LSAMP: variants seen among roughly 807,000 people sequenced by gnomAD.
The protein encoded by LSAMP is limbic system-associated membrane protein.
Under a neutral mutation model 38.6 loss-of-function variants are expected in LSAMP, and 7 were observed. The observed-to-expected ratio is 0.18, with a 90% CI of 0.10 to 0.34. LSAMP has a LOEUF of 0.34. Among genes scored for constraint, LSAMP ranks in the 10% least tolerant of loss-of-function variants. The probability of loss-of-function intolerance (pLI) is 1.00; values close to 1 mark genes in which losing one functional copy is unlikely to be tolerated. For synonymous variants in LSAMP, 154 were observed against 166.8 expected, an observed-to-expected ratio of 0.92 and a Z score of 0.59; for missense variants, 313 against 420.0, an observed-to-expected ratio of 0.75 and a Z score of 2.23.
chr3:116,235,052 T>C (rs370219922), intron 1 of LSAMP, among the ~76,000 whole-genome samples: 1 of 152,086 alleles, frequency 6.6e-6, no homozygotes, highest in Non-Finnish European at 1.5e-5. Flanking sequence ...CTAAAAGACA[T>C]AATTTGGAAC....
chr3:115,855,562 G>A lies in LSAMP; in HGVS notation c.515-2945C>T, dbSNP rs371673582. Among the ~76,000 whole-genome samples the A allele has an allele frequency of 1.2e-4, 18 of 152,262 alleles. No individual in the cohort carries two copies. In the East Asian group the frequency reaches 1.4e-3, roughly 11 times the overall value. ...GCAGCCTCTGTCTCCAGCACACAAT[G>A]TGCATAGCTATCTCAATAAAGTGGG... is the stretch of plus-strand genomic sequence containing the variant. On this transcript the variant is annotated intron_variant, in intron 3 of 6. Transcript: ENST00000490035.
intron 1 of LSAMP, among the ~76,000 whole-genome samples, chr3:116,355,100 G>T (rs1040079791): frequency 2.6e-5 from 4 of 151,738 alleles, no homozygotes; most frequent in Non-Finnish European, 4.4e-5. Flanking sequence ...ACATTAACTT[G>T]TTCTTTACCA....
At chr3:116,248,779 A>ATGAGCACACCCATGTCTG (rs1232640554) in intron 1 of LSAMP, among the ~76,000 whole-genome samples, 5 of 152,130 alleles carry the variant, frequency 3.3e-5, no homozygotes, top group Non-Finnish European at 5.9e-5. Context: ...ATATGTAGGC[A>ATGAGCACACCCATGTCTG]TGAGCACACC....
chr3:116,102,499 TG>T (rs1388088602), intron 1 of LSAMP, among the ~76,000 whole-genome samples: 1 of 152,204 alleles, frequency 6.6e-6, no homozygotes, highest in Non-Finnish European at 1.5e-5. Flanking sequence ...ACATTTGAAT[TG>T]GTAGACTGAG....
At chr3:116,382,779 A>G (rs757782212) in intron 1 of LSAMP, among the ~76,000 whole-genome samples, 1 of 152,132 alleles carries the variant, frequency 6.6e-6, no homozygotes, top group African/African-American at 2.4e-5. Context: ...TACATGTTAC[A>G]GCTTTTGTCT....
intron 3 of LSAMP, among the ~76,000 whole-genome samples, chr3:115,923,420 C>T (rs1400301983): frequency 1.3e-5 from 2 of 152,160 alleles, no homozygotes; most frequent in Non-Finnish European, 2.9e-5. Flanking sequence ...TATGGTGGTG[C>T]AACTTCTTAA....
At chr3:115,983,281 T>C (rs1409620719) in intron 3 of LSAMP, among the ~76,000 whole-genome samples, 4 of 152,114 alleles carry the variant, frequency 2.6e-5, no homozygotes, top group African/African-American at 9.7e-5. Flanking sequence ...TTTGGGAGAC[T>C]GAGCAGGGAG....
intron 5 of LSAMP, 63 bp downstream of exon 5, chr3:115,842,395 G>A: frequency 1.3e-6 from 2 of 1,566,414 alleles, no homozygotes; most frequent in South Asian, 2.4e-5. Flanking sequence ...CTTTGTTGTG[G>A]GGATTCTGGT....
intron 3 of LSAMP, among the ~76,000 whole-genome samples, chr3:115,950,220 G>T (rs983420815): frequency 1.3e-5 from 2 of 152,068 alleles, no homozygotes; most frequent in African/African-American, 4.8e-5. Flanking sequence ...CATAGTACTG[G>T]AAGTCCTAGG....
chr3:116,414,580 C>T (rs2049023966), intron 1 of LSAMP, among the ~76,000 whole-genome samples: 1 of 152,076 alleles, frequency 6.6e-6, no homozygotes, highest in Non-Finnish European at 1.5e-5. Flanking sequence ...AAATTATATT[C>T]CAGCTAAAAC....
At chr3:116,141,330 T>C (rs1453512970) in intron 1 of LSAMP, among the ~76,000 whole-genome samples, 2 of 151,776 alleles carry the variant, frequency 1.3e-5, no homozygotes, top group Non-Finnish European at 2.9e-5. Context: ...AAGAAGGGGA[T>C]GCGGAGAAGA....
chr3:116,112,170 G>T (rs1576370062), intron 1 of LSAMP, among the ~76,000 whole-genome samples: 1 of 152,342 alleles, frequency 6.6e-6, no homozygotes, highest in Middle Eastern at 3.4e-3. Flanking sequence ...AGAAATTAGA[G>T]TCCTAAAAAT....
chr3:116,155,143 T>C (rs1007752195), intron 1 of LSAMP, among the ~76,000 whole-genome samples: 2 of 152,142 alleles, frequency 1.3e-5, no homozygotes, highest in African/African-American at 4.8e-5. Context: ...TAATCATTTA[T>C]TTCTGAGACT....
chr3:115,917,641 CT>C lies in LSAMP; in HGVS notation c.515-65025del, dbSNP rs1397037815. 3.5e-3 allele frequency among the ~76,000 whole-genome samples: 508 copies of C among 144,434 alleles called. 2 individuals are homozygous for C. The highest frequency in any genetic ancestry group is 9.2e-3 in the African/African-American group (365 of 39,604). The allele number at this position is 144,434 out of a possible 152,430, so 94.8% of individuals were successfully genotyped here. ...TCAAACACTCTTTTAAATTAATGAC[CT>C]TTTTTTTTTTTCAAGTTCATAACTA... On this transcript the variant is annotated intron_variant, in intron 3 of 6. Coordinates refer to ENST00000490035, the MANE Select transcript of LSAMP (RefSeq NM_002338.5).
intron 2 of LSAMP, among the ~76,000 whole-genome samples, chr3:116,026,642 C>G (rs761434028): frequency 6.6e-6 from 1 of 152,098 alleles, no homozygotes; most frequent in Non-Finnish European, 1.5e-5. Context: ...AACATCCCCG[C>G]CTTGGAACTT....
At chr3:116,078,277 C>CTTTATTTA (rs34346607) in intron 2 of LSAMP, among the ~76,000 whole-genome samples, 2,167 of 150,164 alleles carry the variant, frequency 0.014, 50 homozygotes, top group African/African-American at 0.048. Flanking sequence ...TTTATATCCT[C>CTTTATTTA]TTTATTTATT....
chr3:116,070,224 A>G (rs1222095696), intron 2 of LSAMP, among the ~76,000 whole-genome samples: 4 of 152,216 alleles, frequency 2.6e-5, no homozygotes, highest in Admixed American at 6.5e-5. Flanking sequence ...ATGGAACACA[A>G]TAAGATAGGC....
chr3:116,220,524 T>C (rs950647042), intron 1 of LSAMP, among the ~76,000 whole-genome samples: 17 of 152,104 alleles, frequency 1.1e-4, no homozygotes, highest in Non-Finnish European at 2.1e-4. Context: ...ATTGGAAAAG[T>C]GACTATTGGG....
intron 1 of LSAMP, among the ~76,000 whole-genome samples, chr3:116,281,865 G>T (rs1333832199): frequency 6.6e-6 from 1 of 152,130 alleles, no homozygotes; most frequent in African/African-American, 2.4e-5. Flanking sequence ...ACCAACAAAT[G>T]TTAGTTACAC....
Sources: allele counts gnomAD v4.1 joint callset (sites outside exome capture counted in the v4.1 genomes callset), GRCh38; gene constraint gnomAD v4.1.1; transcripts MANE v1.5; gene names NCBI Gene and HGNC (gene_info 2026-07-23, HGNC 2026-07-21).